ULK4: variants seen among roughly 807,000 people sequenced by gnomAD.
The protein encoded by ULK4 is inactive serine/threonine-protein kinase ULK4.
Under a neutral mutation model 160.6 loss-of-function variants are expected in ULK4, and 133 were observed. The observed-to-expected ratio is 0.83, with a 90% CI of 0.72 to 0.96. ULK4 has a LOEUF of 0.96. Ranked by LOEUF, ULK4 falls within the 40% of genes least tolerant of loss-of-function variation. ULK4 has a pLI of 0.00. For missense variants in ULK4, 1,580 were observed against 1,499.5 expected, an observed-to-expected ratio of 1.05 and a Z score of -0.89; for synonymous variants, 534 against 539.8, an observed-to-expected ratio of 0.99 and a Z score of 0.15.
At chr3:41,693,914 G>C (rs138679636) in intron 27 of ULK4, among the ~76,000 whole-genome samples, 22 of 152,326 alleles carry the variant, frequency 1.4e-4, no homozygotes, top group South Asian at 1.0e-3. Flanking sequence ...AACCACACTA[G>C]GAGTGGGGAA....
chr3:41,632,695 G>A (rs1346934558), intron 30 of ULK4, among the ~76,000 whole-genome samples: 4 of 151,286 alleles, frequency 2.6e-5, no homozygotes, highest in Non-Finnish European at 4.4e-5. Context: ...GGAACTCACA[G>A]TAACAAATGC....
chr3:41,661,566 G>C (rs1041588487), intron 30 of ULK4, among the ~76,000 whole-genome samples: 31 of 152,020 alleles, frequency 2.0e-4, no homozygotes, highest in African/African-American at 7.5e-4. Flanking sequence ...TAGACAGACA[G>C]ACAGAATTTA....
intron 31 of ULK4, among the ~76,000 whole-genome samples, chr3:41,590,461 CAAAAAAAAAAAAAAAAA>C (rs71075479): frequency 1.8e-5 from 1 of 56,916 alleles, no homozygotes; most frequent in Non-Finnish European, 3.2e-5. Flanking sequence ...ACTAAAAATA[CAAAAAAAAAAAAAAAAA>C]AAAAAAAATT....
chr3:41,606,134 T>C (rs1467623301), intron 31 of ULK4, among the ~76,000 whole-genome samples: 2 of 151,822 alleles, frequency 1.3e-5, no homozygotes, highest in Non-Finnish European at 2.9e-5. Flanking sequence ...ATGTTTATAT[T>C]TGAAAAAACA....
intron 35 of ULK4, among the ~76,000 whole-genome samples, chr3:41,321,063 C>G (rs940229221): frequency 6.6e-6 from 1 of 151,818 alleles, no homozygotes; most frequent in Non-Finnish European, 1.5e-5. Context: ...TGCCAGGCCT[C>G]TCTGGTTCTT....
intron 16 of ULK4, among the ~76,000 whole-genome samples, chr3:41,889,315 T>C (rs1697833943): frequency 6.6e-6 from 1 of 151,992 alleles, no homozygotes; most frequent in Non-Finnish European, 1.5e-5. Flanking sequence ...ACACCAAATA[T>C]ATGCAGCTAG....
At chr3:41,921,871 C>T (rs1029069855) in intron 5 of ULK4, among the ~76,000 whole-genome samples, 3 of 152,072 alleles carry the variant, frequency 2.0e-5, no homozygotes, top group Non-Finnish European at 4.4e-5. Flanking sequence ...AAGTTGGAGC[C>T]GGCCAGATGC....
intron 17 of ULK4, among the ~76,000 whole-genome samples, chr3:41,856,566 T>TATATATGTGTATATATATACAC (rs1559611139): frequency 2.7e-5 from 3 of 111,898 alleles, no homozygotes; most frequent in Non-Finnish European, 5.1e-5. Flanking sequence ...TATATACACA[T>TATATATGTGTATATATATACAC]ATATATATGT....
intron 32 of ULK4, among the ~76,000 whole-genome samples, chr3:41,514,370 G>T (rs932862195): frequency 2.0e-5 from 3 of 152,162 alleles, no homozygotes; most frequent in Non-Finnish European, 4.4e-5. Context: ...AGACCTGGAG[G>T]GGGTCGTGCG....
chr3:41,425,745 C>T (rs2082763172), intron 34 of ULK4, among the ~76,000 whole-genome samples: 1 of 152,106 alleles, frequency 6.6e-6, no homozygotes. Context: ...AATTCATCAC[C>T]ACCAGGCCTG....
chr3:41,533,847 G>A (rs901508897), intron 32 of ULK4, among the ~76,000 whole-genome samples: 3 of 152,074 alleles, frequency 2.0e-5, no homozygotes, highest in African/African-American at 2.4e-5. Context: ...TCGCTCTTTC[G>A]CCCAGGCCGG....
At chr3:41,403,237 C>T (rs1267750187) in intron 34 of ULK4, among the ~76,000 whole-genome samples, 1 of 151,788 alleles carries the variant, frequency 6.6e-6, no homozygotes, top group Non-Finnish European at 1.5e-5. Flanking sequence ...ATTATCTGGG[C>T]CCAGAGTTTG....
intron 32 of ULK4, among the ~76,000 whole-genome samples, chr3:41,471,402 T>C (rs1400163692): frequency 6.6e-6 from 1 of 152,146 alleles, no homozygotes; most frequent in African/African-American, 2.4e-5. Flanking sequence ...ACAAGAATAG[T>C]ATGGGACTTA....
At chr3:41,455,354 A>G in intron 34 of ULK4, 143 bp downstream of exon 34, 1 of 697,134 alleles carries the variant, frequency 1.4e-6, no homozygotes, top group South Asian at 2.6e-5. Context: ...TTAGTTTTCC[A>G]GGCCAAATAA....
intron 19 of ULK4, among the ~76,000 whole-genome samples, chr3:41,808,202 T>C (rs1021930764): frequency 6.6e-6 from 1 of 152,214 alleles, no homozygotes; most frequent in Non-Finnish European, 1.5e-5. Context: ...TATGCCTTGC[T>C]CTTTGTCTTA....
chr3:41,911,266 G>C (rs1472399057), intron 11 of ULK4, 51 bp downstream of exon 11: 4 of 1,578,544 alleles, frequency 2.5e-6, no homozygotes, highest in Non-Finnish European at 3.5e-6. Flanking sequence ...GATGCTTTAA[G>C]AAAATTTAAC....
intron 35 of ULK4, among the ~76,000 whole-genome samples, chr3:41,299,251 C>T (rs568752770): frequency 1.3e-4 from 20 of 152,286 alleles, no homozygotes; most frequent in Admixed American, 4.6e-4. Flanking sequence ...CTGGCCCAGT[C>T]GTCCCAGTTA....
At chr3:41,911,263 T>A in intron 11 of ULK4, 54 bp downstream of exon 11, 1 of 1,562,496 alleles carries the variant, frequency 6.4e-7, no homozygotes, top group East Asian at 2.2e-5. Flanking sequence ...GCAGATGCTT[T>A]AAGAAAATTT....
chr3:41,865,542 C>T (rs190737657), intron 17 of ULK4, among the ~76,000 whole-genome samples: 7 of 152,142 alleles, frequency 4.6e-5, no homozygotes, highest in African/African-American at 7.2e-5. Context: ...GGAGTTTCTA[C>T]TTAACCGTTG....
Sources: allele counts gnomAD v4.1 joint callset (sites outside exome capture counted in the v4.1 genomes callset), GRCh38; gene constraint gnomAD v4.1.1; transcripts MANE v1.5; gene names NCBI Gene and HGNC (gene_info 2026-07-23, HGNC 2026-07-21).